The following SLC25A17 variants were observed in gnomAD, a reference collection of about 807,000 sequenced individuals.
SLC25A17 encodes peroxisomal membrane protein PMP34.
SLC25A17 carries 26 observed loss-of-function variants against 38.5 expected under a neutral mutation model. The observed-to-expected ratio is 0.68, with a 90% confidence interval of 0.50 to 0.94. The LOEUF is 0.94. SLC25A17 is among the 40% of genes least tolerant of loss of function. The pLI is 0.00. For missense variants in SLC25A17, 333 were observed against 372.7 expected, an observed-to-expected ratio of 0.89 and a Z score of 0.88; for synonymous variants, 139 against 136.2, an observed-to-expected ratio of 1.02 and a Z score of -0.14.
chr22:40,777,053 T>G lies in SLC25A17; in HGVS notation c.680A>C (p.Gln227Pro). Residue 227 changes from glutamine (Q) to proline (P), a missense_variant, in exon 7 of 9, where the codon CAG becomes CCG. Gln to Pro is a moderately conservative substitution (Grantham distance 76). Transcript: ENST00000435456. ...TTVTYPLQTV[Q>P]SILRFGRHRL... ...TCCAGCACTCACCCTCAGAATTGAC[T>G]GTACCGTCTGCAGGGGATAGGTCAC... is the stretch of plus-strand genomic sequence containing the variant. The G allele has an allele frequency of 6.2e-7, 1 of 1,614,098 alleles. No homozygotes were observed. The highest frequency in any genetic ancestry group is 8.5e-7 in the Non-Finnish European group (1 of 1,179,948).
chr22:40,813,536 T>TA (rs896597299), intron 1 of SLC25A17, among the ~76,000 whole-genome samples: 25 of 146,942 alleles, frequency 1.7e-4, no homozygotes, highest in Admixed American at 1.2e-3. Flanking sequence ...AGACTCTGTA[T>TA]AAAAAAAAAA....
chr22:40,783,970 G>A (rs1298631456), intron 4 of SLC25A17, among the ~76,000 whole-genome samples: 1 of 152,116 alleles, frequency 6.6e-6, no homozygotes, highest in Non-Finnish European at 1.5e-5. Context: ...CTCTCAAAGT[G>A]TTGGGATTAC....
rs6002150 is a variant in SLC25A17 at position 40,801,351 on chromosome 22, G to T, written c.55-2268C>A. On this transcript the variant is annotated intron_variant, in intron 1 of 8. Transcript: ENST00000435456. ...ACAATTGGTTGTTCAGTCCTCTAGG[G>T]TGCCATTAGCACTTATTTATGGCTC... Among the ~76,000 whole-genome samples, 541 of 151,426 alleles carry T rather than the reference G, an allele frequency of 3.6e-3. 5 individuals are homozygous for T. The highest frequency in any genetic ancestry group is 0.013 in the African/African-American group (520 of 41,238).
At chr22:40,812,850 C>T (rs925825939) in intron 1 of SLC25A17, among the ~76,000 whole-genome samples, 1 of 151,756 alleles carries the variant, frequency 6.6e-6, no homozygotes, top group South Asian at 2.1e-4. Flanking sequence ...CTGGGAAACA[C>T]AGTGAGACTT....
At position 40,774,935 on chromosome 22, in the gene SLC25A17, C is replaced by T. The variant is rs540364002; in HGVS notation, c.694-916G>A. Among the ~76,000 whole-genome samples the T allele has an allele frequency of 3.3e-5, 5 of 152,150 alleles. 1 individual carries two copies. Among genetic ancestry groups the T allele is most frequent in the African/African-American group, 1.2e-4 (5 of 41,506 alleles). Reference sequence around the variant, plus strand: ...AACAGATCTTGAATCTGTCCTCATCCTACCCCTCTCCTCTCCAGTGCCACC... The same window carrying T: ...AACAGATCTTGAATCTGTCCTCATCTTACCCCTCTCCTCTCCAGTGCCACC... On this transcript the variant is annotated intron_variant, in intron 7 of 8. Coordinates refer to ENST00000435456, the MANE Select transcript of SLC25A17 (RefSeq NM_006358.4).
At chr22:40,814,847 T>C (rs1463205487) in intron 1 of SLC25A17, among the ~76,000 whole-genome samples, 1 of 150,852 alleles carries the variant, frequency 6.6e-6, no homozygotes, top group Non-Finnish European at 1.5e-5. Context: ...TGAGACGGAG[T>C]CTTGCTCTGT....
Position 40,770,749 on chromosome 22 carries a change from C to G in SLC25A17, c.*85G>C. The stretch of plus-strand genomic sequence containing the variant: ...AGGGTAACATTTGTGGTGGCAGGAG[C>G]CAGAGTCAAGGGAGAATCACTTCTC... On this transcript the variant is annotated 3_prime_UTR_variant, in exon 9 of 9. Coordinates refer to ENST00000435456, the MANE Select transcript of SLC25A17 (RefSeq NM_006358.4). The G allele has an allele frequency of 7.1e-7, 1 of 1,403,866 alleles. No individual in the cohort carries two copies. The highest frequency in any genetic ancestry group is 2.1e-5 in the Admixed American group (1 of 48,148). The allele number at this position is 1,403,866 out of a possible 1,614,324, so 87.0% of individuals were successfully genotyped here. A position where few individuals can be genotyped will look rare whatever the true frequency, so the allele number is the denominator to read the frequency against.
intron 5 of SLC25A17, among the ~76,000 whole-genome samples, chr22:40,778,127 G>A (rs1316258248): frequency 6.6e-6 from 1 of 152,228 alleles, no homozygotes; most frequent in East Asian, 1.9e-4. Context: ...ACCTGGCAAT[G>A]TGGTACTATT....
intron 1 of SLC25A17, among the ~76,000 whole-genome samples, chr22:40,813,100 C>T (rs968098645): frequency 6.6e-6 from 1 of 152,124 alleles, no homozygotes; most frequent in Non-Finnish European, 1.5e-5. Context: ...ATGACACTCT[C>T]GAGTGTTTAG....
rs368390943 is a variant in SLC25A17, at chr22:40,777,220, A to C, written c.597+8T>G. On this transcript the variant is annotated splice_region_variant and intron_variant, in intron 6 of 8. Coordinates refer to ENST00000435456, the MANE Select transcript of SLC25A17 (RefSeq NM_006358.4). ...AATTATTTTACTGCTTTCAAAATCAAGGATTACCTTCATCCGTTTCTTTAA... is the reference window on the plus strand; with the variant it reads ...AATTATTTTACTGCTTTCAAAATCACGGATTACCTTCATCCGTTTCTTTAA... The C allele has an allele frequency of 1.4e-5, 23 of 1,613,244 alleles. No homozygotes were observed. Among genetic ancestry groups the C allele is most frequent in the Non-Finnish European group, 1.7e-5 (20 of 1,179,260 alleles).
intron 1 of SLC25A17, among the ~76,000 whole-genome samples, chr22:40,818,986 G>A (rs5758091): frequency 0.024 from 3,681 of 152,214 alleles, 184 homozygotes; most frequent in East Asian, 0.2. Flanking sequence ...GTCTCTAGGA[G>A]ACCAGGAGGT....
In SLC25A17 at chr22:40,819,283, C is replaced by G; in HGVS notation, c.-35G>C. On this transcript the variant is annotated 5_prime_UTR_variant, in exon 1 of 9. Coordinates refer to ENST00000435456, the MANE Select transcript of SLC25A17 (RefSeq NM_006358.4). Reference sequence around the variant, plus strand: ...TCCTCGAAGACCCAGCCACACTTTTCCCACAGATGCCGCAGCCAGTGGAGT... The same window carrying G: ...TCCTCGAAGACCCAGCCACACTTTTGCCACAGATGCCGCAGCCAGTGGAGT... 1.2e-6 allele frequency: 2 copies of G among 1,611,714 alleles called. No homozygotes were observed. The highest frequency in any genetic ancestry group is 1.7e-6 in the Non-Finnish European group (2 of 1,178,288).
chr22:40,805,888 A>G (rs2057525620), intron 1 of SLC25A17, among the ~76,000 whole-genome samples: 1 of 152,256 alleles, frequency 6.6e-6, no homozygotes, highest in Admixed American at 6.5e-5. Flanking sequence ...GAAAACTAAT[A>G]CAGCCGGATT....
chr22:40,777,377 A>G lies in SLC25A17; in HGVS notation c.452-4T>C. On this transcript the variant is annotated splice_region_variant and splice_polypyrimidine_tract_variant and intron_variant, in intron 5 of 8. Transcript: ENST00000435456. Reference sequence around the variant, plus strand: ...CGAATGATCTGATGAAAAGCATCTAAGCAAGAAATCAGGGACTTTTGAAAA... The same window carrying G: ...CGAATGATCTGATGAAAAGCATCTAGGCAAGAAATCAGGGACTTTTGAAAA... 1.2e-6 allele frequency: 2 copies of G among 1,607,936 alleles called. No homozygotes were observed. Among genetic ancestry groups the G allele is most frequent in the East Asian group, 2.2e-5 (1 of 44,800 alleles).
chr22:40,792,646 C>T lies in SLC25A17; in HGVS notation c.213G>A (p.Val71=). The part of the protein sequence containing the change: ...LLAPYRGWFP[V]ISSLCCSNFV... ...AATTGGAGCAGCAGAGACTGGAAATCACTGGAAACCACCCTCGATATGGTG... is the reference window on the plus strand; with the variant it reads ...AATTGGAGCAGCAGAGACTGGAAATTACTGGAAACCACCCTCGATATGGTG... Residue 71 remains valine, a synonymous_variant, in exon 4 of 9, where the codon GTG becomes GTA. Transcript: ENST00000435456. 1 of 1,614,072 alleles carries T rather than the reference C, an allele frequency of 6.2e-7. No individual in the cohort carries two copies. The highest frequency in any genetic ancestry group is 8.5e-7 in the Non-Finnish European group (1 of 1,179,982).
chr22:40,773,988 C>G lies in SLC25A17; in HGVS notation c.725G>C (p.Arg242Thr). 6.2e-7 allele frequency: 1 copy of G among 1,613,284 alleles called. No individual in the cohort carries two copies. The highest frequency in any genetic ancestry group is 8.5e-7 in the Non-Finnish European group (1 of 1,179,318). ...FGRHRLNPENRTLGSLRNILY... is the reference protein window; with the variant it reads ...FGRHRLNPENTTLGSLRNILY... Reference sequence around the variant, plus strand: ...AATATTCCGAAGACTTCCCAATGTTCTGTTTTCTGGGTTTAGTCTATGACG... The same window carrying G: ...AATATTCCGAAGACTTCCCAATGTTGTGTTTTCTGGGTTTAGTCTATGACG... Residue 242 changes from arginine to threonine, a missense_variant, in exon 8 of 9, where the codon AGA (arginine) becomes ACA (threonine). Physicochemically the swap from Arg to Thr is moderately conservative, Grantham distance 71. Coordinates refer to ENST00000435456, the MANE Select transcript of SLC25A17 (RefSeq NM_006358.4).
At chr22:40,772,032 A>C (rs371813706) in intron 8 of SLC25A17, among the ~76,000 whole-genome samples, 1 of 145,728 alleles carries the variant, frequency 6.9e-6, no homozygotes, top group African/African-American at 2.8e-5. Context: ...AAAAAAAAAC[A>C]AAGCCATTAT....
intron 4 of SLC25A17, among the ~76,000 whole-genome samples, chr22:40,785,510 T>C (rs1383270673): frequency 6.6e-6 from 1 of 152,172 alleles, no homozygotes; most frequent in Non-Finnish European, 1.5e-5. Flanking sequence ...GCAGAGGTCA[T>C]AGCAGGTACA....
chr22:40,784,145 C>A (rs1046101275), intron 4 of SLC25A17, among the ~76,000 whole-genome samples: 1 of 152,036 alleles, frequency 6.6e-6, no homozygotes, highest in Non-Finnish European at 1.5e-5. Context: ...TTCATGAGGA[C>A]AGAGATTTTC....
Sources: allele counts gnomAD v4.1 joint callset (sites outside exome capture counted in the v4.1 genomes callset), GRCh38; gene constraint gnomAD v4.1.1; transcripts MANE v1.5; gene names NCBI Gene and HGNC (gene_info 2026-07-23, HGNC 2026-07-21).